The following LY75 variants were observed in gnomAD, a reference collection of about 807,000 sequenced individuals.
LY75 encodes C-type lectin domain family 13 member B.
A neutral mutation model predicts 231.7 loss-of-function variants in LY75; 185 were observed. The observed-to-expected ratio is 0.80, with a 90% confidence interval of 0.71 to 0.90. LY75 has a LOEUF of 0.90. Among genes scored for constraint, LY75 ranks in the 40% least tolerant of loss-of-function variants. LY75 has a pLI of 0.00. For synonymous variants in LY75, 668 were observed against 689.0 expected (o/e 0.97, Z 0.48); for missense variants, 1,947 against 2,050.2 (o/e 0.95, Z 0.97).
chr2:159,838,820 G>A (rs1023763873), intron 25 of LY75, among the ~76,000 whole-genome samples: 6 of 152,002 alleles, frequency 3.9e-5, no homozygotes, highest in Non-Finnish European at 5.9e-5. Flanking sequence ...TTTAGAGATG[G>A]AGTCTCACTC....
At chr2:159,841,094 G>A (rs1290758073) in intron 24 of LY75, 139 bp from the exon 25 acceptor site, 66 of 1,330,556 alleles carry the variant, frequency 5.0e-5, no homozygotes, top group Admixed American at 1.6e-4. Context: ...TTGGGTGAGA[G>A]AATTAGGTAT....
Position 159,883,746 on chromosome 2 carries a change from TA to T in LY75, c.1054+1406del, listed in dbSNP as rs542716301. On this transcript the variant is annotated intron_variant, in intron 6 of 34. Coordinates refer to ENST00000263636, the MANE Select transcript of LY75 (RefSeq NM_002349.4). ...CTATTATGCCTTTTGTTGTATGGACTAAATTTGGTTTGAATCAACTTGGAAG... is the reference window on the plus strand; with the variant it reads ...CTATTATGCCTTTTGTTGTATGGACTAATTTGGTTTGAATCAACTTGGAAG... 4.1e-4 allele frequency among the ~76,000 whole-genome samples: 63 copies of T among 152,338 alleles called. 1 individual carries two copies. Among genetic ancestry groups the T allele is most frequent in the Middle Eastern group, 3.4e-3 (1 of 294 alleles).
intron 33 of LY75, chr2:159,807,922 T>A: frequency 1.0e-6 from 1 of 984,524 alleles, no homozygotes; most frequent in Non-Finnish European, 1.2e-6. Context: ...GGCGCAAAAG[T>A]AATGGCAAAA....
chr2:159,832,725 T>C (rs1683702021), intron 27 of LY75, among the ~76,000 whole-genome samples: 1 of 152,238 alleles, frequency 6.6e-6, no homozygotes, highest in Non-Finnish European at 1.5e-5. Flanking sequence ...GAAGCTATGG[T>C]GTCTAGTGTT....
At chr2:159,823,476 G>C (rs1348153583) in intron 28 of LY75, among the ~76,000 whole-genome samples, 2 of 152,174 alleles carry the variant, frequency 1.3e-5, no homozygotes, top group Non-Finnish European at 2.9e-5. Flanking sequence ...CGTTTGACTG[G>C]TGTACCTGAA....
At chr2:159,869,659 T>C (rs1462165813) in intron 13 of LY75, among the ~76,000 whole-genome samples, 1 of 152,190 alleles carries the variant, frequency 6.6e-6, no homozygotes, top group Non-Finnish European at 1.5e-5. Context: ...TGATACTCAC[T>C]ACAATGGGAA....
chr2:159,887,566 C>CAAA (rs369452762), intron 4 of LY75, among the ~76,000 whole-genome samples: 5,640 of 103,484 alleles, frequency 0.055, 148 homozygotes, highest in Non-Finnish European at 0.071. Flanking sequence ...TCAACAACAA[C>CAAA]AAAAAAAAAA....
chr2:159,890,284 T>TA lies in LY75; in HGVS notation c.730dup (p.Tyr244LeufsTer10). On this transcript the variant is annotated frameshift_variant, in exon 4 of 35. Coordinates refer to ENST00000263636, the MANE Select transcript of LY75 (RefSeq NM_002349.4). LOFTEE classifies it high-confidence loss of function. ...AGCTCCTTGATTCTGACATGAAACA[T>TA]AAGCTTCTTTCCAAGAAAGAGCCGT... 6.2e-7 allele frequency: 1 copy of TA among 1,613,552 alleles called. No homozygotes were observed.
chr2:159,886,442 T>C lies in LY75; in HGVS notation c.891A>G (p.Leu297=), dbSNP rs1176417902. ...RGWEWSDHKP[L]NFLNWDPDRP... ...TACCTGGATCCCAGTTGAGAAAGTT[T>C]AATGGTTTGTGGTCTGACCATTCCC... is the stretch of plus-strand genomic sequence containing the variant. The change falls in exon 5 of 35, where the codon TTA becomes TTG. Residue 297 remains leucine (L), a synonymous_variant. Coordinates refer to ENST00000263636, the MANE Select transcript of LY75 (RefSeq NM_002349.4). 3 of 1,609,310 alleles carry C rather than the reference T, an allele frequency of 1.9e-6. No homozygotes were observed. The highest frequency in any genetic ancestry group is 1.7e-5 in the Admixed American group (1 of 59,782).
At chr2:159,818,275 A>G (rs1683182910) in intron 29 of LY75, among the ~76,000 whole-genome samples, 1 of 152,100 alleles carries the variant, frequency 6.6e-6, no homozygotes, top group South Asian at 2.1e-4. Flanking sequence ...CAGAGAACCT[A>G]ACAAACACTA....
intron 2 of LY75, 133 bp from the exon 3 acceptor site, chr2:159,894,217 TG>T (rs1356999932): frequency 2.0e-5 from 23 of 1,155,024 alleles, no homozygotes; most frequent in Non-Finnish European, 2.3e-5. Flanking sequence ...ATTCAGAGCA[TG>T]GGTGCTGTCA....
intron 16 of LY75, 28 bp from the exon 17 acceptor site, chr2:159,854,967 T>G: frequency 6.2e-7 from 1 of 1,613,346 alleles, no homozygotes; most frequent in Non-Finnish European, 8.5e-7. Context: ...CAAGTGGCAT[T>G]AGTATTCCAT....
chr2:159,878,187 T>C, intron 11 of LY75, 137 bp downstream of exon 11: 1 of 1,188,328 alleles, frequency 8.4e-7, no homozygotes, highest in Non-Finnish European at 1.2e-6. Flanking sequence ...CTTCTATTTA[T>C]GGTTCCATAG....
In LY75 at chr2:159,808,439, T is replaced by G. The variant is rs1236117073; in HGVS notation, c.4822+10A>C. The G allele has an allele frequency of 4.3e-6, 7 of 1,613,752 alleles. No individual in the cohort carries two copies. The highest frequency in any genetic ancestry group is 5.1e-6 in the Non-Finnish European group (6 of 1,179,844). ...TCTTTGCACACTACACATACAATTA[T>G]TTCACTTACCAACAGAATGTTGAGA... On this transcript the variant is annotated intron_variant, in intron 33 of 34. Transcript: ENST00000263636.
Position 159,898,743 on chromosome 2 carries a change from A to G in LY75, c.411T>C (p.Ser137=), listed in dbSNP as rs1685976290. 1 of 1,614,146 alleles carries G rather than the reference A, an allele frequency of 6.2e-7. No homozygotes were observed. Among genetic ancestry groups the G allele is most frequent in the Non-Finnish European group, 8.5e-7 (1 of 1,179,946 alleles). Residue 137 remains serine, a synonymous_variant, in exon 2 of 35, where the codon TCT becomes TCC. Transcript: ENST00000263636. ...DGHGTAISNA[S]DVWKKGGSEE... is the part of the protein sequence containing the mutation. ...CTGAGCCTCCTTTCTTCCAGACATC[A>G]GATGCATTTGAGATTGCTGTGCCAT...
chr2:159,831,435 G>A (rs533947073), intron 28 of LY75, among the ~76,000 whole-genome samples: 2 of 152,096 alleles, frequency 1.3e-5, no homozygotes, highest in Non-Finnish European at 1.5e-5. Flanking sequence ...GTTCTTTTTA[G>A]CAGTGCGGGA....
chr2:159,834,576 T>G (rs796375304), intron 26 of LY75, among the ~76,000 whole-genome samples: 1 of 152,218 alleles, frequency 6.6e-6, no homozygotes, highest in African/African-American at 2.4e-5. Context: ...ACTCTGAGAA[T>G]TTATTTTAAA....
chr2:159,886,743 T>C (rs563068088), intron 4 of LY75, among the ~76,000 whole-genome samples: 1 of 152,298 alleles, frequency 6.6e-6, no homozygotes, highest in Non-Finnish European at 1.5e-5. Context: ...GTTAATTCAG[T>C]TCTGCTCTCC....
At chr2:159,878,034 G>A (rs980815686) in intron 11 of LY75, among the ~76,000 whole-genome samples, 2 of 152,204 alleles carry the variant, frequency 1.3e-5, no homozygotes, top group African/African-American at 2.4e-5. Context: ...GATTCTATTT[G>A]AGATTTACAT....
Sources: allele counts gnomAD v4.1 joint callset (sites outside exome capture counted in the v4.1 genomes callset), GRCh38; gene constraint gnomAD v4.1.1; transcripts MANE v1.5; gene names NCBI Gene and HGNC (gene_info 2026-07-23, HGNC 2026-07-21).